The following RNF10 variants were observed in gnomAD, a reference collection of about 807,000 sequenced individuals.
RNF10 encodes ring finger protein 10, also known as E3 ubiquitin-protein ligase RNF10.
A neutral mutation model predicts 91.4 loss-of-function variants in RNF10; 38 were observed. That is an observed-to-expected ratio of 0.42 (90% CI 0.32 to 0.54). The LOEUF is 0.54. RNF10 is among the 20% of genes least tolerant of loss of function. The pLI, the probability that RNF10 is intolerant of heterozygous loss-of-function variation, is 0.16. For missense variants in RNF10, 945 were observed against 1,012.0 expected (o/e 0.93, Z 0.90); for synonymous variants, 364 against 366.3 (o/e 0.99, Z 0.07).
chr12:120,539,542 C>G (rs903447380), intron 1 of RNF10: 1 of 612,964 alleles, frequency 1.6e-6, no homozygotes, highest in Non-Finnish European at 2.7e-6. Context: ...ACCTCTAGGC[C>G]GAGCCACCTG....
intron 4 of RNF10, among the ~76,000 whole-genome samples, 161 bp from the exon 5 acceptor site, chr12:120,557,121 G>T (rs1213097722): frequency 6.6e-6 from 1 of 151,180 alleles, no homozygotes; most frequent in Non-Finnish European, 1.5e-5. Flanking sequence ...GATCATACAT[G>T]TACCTACGTT....
intron 11 of RNF10, 35 bp from the exon 12 acceptor site, chr12:120,565,393 T>C (rs779307410): frequency 6.3e-7 from 1 of 1,592,884 alleles, no homozygotes; most frequent in Non-Finnish European, 8.6e-7. Flanking sequence ...CATGTTGTCC[T>C]GGGTCTACCT....
At chr12:120,536,861 A>G (rs1415723257) in intron 1 of RNF10, among the ~76,000 whole-genome samples, 1 of 152,210 alleles carries the variant, frequency 6.6e-6, no homozygotes, top group African/African-American at 2.4e-5. Flanking sequence ...AAATGCCTTA[A>G]GTTTATTTCT....
At chr12:120,567,687 C>T (rs1312324372) in intron 13 of RNF10, among the ~76,000 whole-genome samples, 6 of 132,904 alleles carry the variant, frequency 4.5e-5, no homozygotes, top group East Asian at 4.4e-4. Flanking sequence ...GGCGACAGAG[C>T]GAGACTTTGT....
chr12:120,535,266 C>A (rs1870581412), intron 1 of RNF10, among the ~76,000 whole-genome samples: 1 of 152,152 alleles, frequency 6.6e-6, no homozygotes, highest in Admixed American at 6.5e-5. Flanking sequence ...TCACAGCAGG[C>A]CTTAAGACTT....
At chr12:120,540,491 T>C (rs151251189) in intron 1 of RNF10, among the ~76,000 whole-genome samples, 101 of 152,306 alleles carry the variant, frequency 6.6e-4, no homozygotes, top group Non-Finnish European at 7.2e-4. Context: ...TTCCCATGTA[T>C]ATCCTGGCAA....
chr12:120,575,455 T>G, intron 14 of RNF10, 176 bp from the exon 15 acceptor site: 2 of 668,824 alleles, frequency 3.0e-6, no homozygotes, highest in South Asian at 3.8e-5. Flanking sequence ...GCCATTTCCA[T>G]TAGCCAGGAT....
At chr12:120,553,507 C>A (rs532262102) in intron 3 of RNF10, among the ~76,000 whole-genome samples, 1 of 149,710 alleles carries the variant, frequency 6.7e-6, no homozygotes, top group Non-Finnish European at 1.5e-5. Flanking sequence ...GAGCTTCATG[C>A]CATTCTCCTG....
intron 2 of RNF10, among the ~76,000 whole-genome samples, chr12:120,550,440 C>T (rs1002949273): frequency 6.6e-6 from 1 of 152,004 alleles, no homozygotes; most frequent in Non-Finnish European, 1.5e-5. Flanking sequence ...AGCACAAGCT[C>T]TTAGATCTAA....
At position 120,576,710 on chromosome 12, in the gene RNF10, G is replaced by GT. The variant is rs368403066; in HGVS notation, c.*53dup. 1.1e-3 allele frequency: 1,699 copies of GT among 1,548,090 alleles called. No individual in the cohort carries two copies. Among genetic ancestry groups the GT allele is most frequent in the East Asian group, 1.9e-3 (81 of 42,424 alleles). ...CCTTCTCCATCTGGTTTTTGTTTTT[G>GT]TTTTTTTTTCCCCCATGCTTTTGTT... On this transcript the variant is annotated 3_prime_UTR_variant, in exon 17 of 17. Coordinates refer to ENST00000325954, the MANE Select transcript of RNF10 (RefSeq NM_014868.5).
intron 6 of RNF10, among the ~76,000 whole-genome samples, chr12:120,559,387 G>C (rs1453304745): frequency 6.6e-6 from 1 of 150,524 alleles, no homozygotes; most frequent in South Asian, 2.1e-4. Context: ...TGCTTTTTTT[G>C]TTTTTGTTTT....
chr12:120,565,073 A>C lies in RNF10; in HGVS notation c.1667A>C (p.Asp556Ala). ...GTATTGGTCCTTTTTCCAATGTAGG[A>C]TGTTCGACAGCGTCACAGATATCTC... ...VEIAGYSMSE[D>A]VRQRHRYLSH... The change falls in exon 11 of 17, where the codon GAT (aspartate) becomes GCT (alanine). Residue 556 changes from aspartate to alanine, a missense_variant and splice_region_variant. By Grantham distance (126) the Asp-to-Ala change is moderately radical. Coordinates refer to ENST00000325954, the MANE Select transcript of RNF10 (RefSeq NM_014868.5). 1.9e-6 allele frequency: 3 copies of C among 1,609,982 alleles called. No individual in the cohort carries two copies. The South Asian group carries it at 3.3e-5, about 18-fold the overall frequency.
In RNF10 at chr12:120,557,557, C is replaced by G. The variant is rs2137202944; in HGVS notation, c.842C>G (p.Thr281Arg). Residue 281 changes from threonine to arginine, a missense_variant, in exon 6 of 17, where the codon ACA becomes AGA. Transcript: ENST00000325954. ...HKKDLKSVVA[T>R]ESHQYVVGDT... ...TGTCCATGTTTCAGTGTTGTTGCCA[C>G]AGAGTCACATCAGTATGTTGTTGGT... 8 of 1,614,198 alleles carry G rather than the reference C, an allele frequency of 5.0e-6. No homozygotes were observed. Among genetic ancestry groups the G allele is most frequent in the Non-Finnish European group, 6.8e-6 (8 of 1,180,028 alleles).
At position 120,563,463 on chromosome 12, in the gene RNF10, A is replaced by AC. The variant is rs1486351578; in HGVS notation, c.1373dup (p.Glu459ArgfsTer3). ...TAGAAGAGGAGGAAGCAGTGTCTGA[A>AC]CCAGAGCCTGAGGGGTTGCCAGAGG... On this transcript the variant is annotated frameshift_variant, in exon 9 of 17. Coordinates refer to ENST00000325954, the MANE Select transcript of RNF10 (RefSeq NM_014868.5). LOFTEE classifies it high-confidence loss of function. 6.2e-7 allele frequency: 1 copy of AC among 1,614,160 alleles called. No individual in the cohort carries two copies. Among genetic ancestry groups the AC allele is most frequent in the Non-Finnish European group, 8.5e-7 (1 of 1,180,026 alleles).
In RNF10 at chr12:120,563,434, C is replaced by G. The variant is rs1237960043; in HGVS notation, c.1342C>G (p.Leu448Val). Reference protein sequence around the residue: ...DTPSRPLALPLVEEEEAVSEP... With the variant: ...DTPSRPLALPVVEEEEAVSEP... ...TCCTTCTAGACCTCTTGCTCTCCCT[C>G]TGGTAGAAGAGGAGGAAGCAGTGTC... is the stretch of plus-strand genomic sequence containing the variant. Residue 448 changes from leucine to valine, a missense_variant, in exon 9 of 17, where the codon CTG becomes GTG. Physicochemically the swap from Leu to Val is conservative, Grantham distance 32. Coordinates refer to ENST00000325954, the MANE Select transcript of RNF10 (RefSeq NM_014868.5). 3 of 1,614,020 alleles carry G rather than the reference C, an allele frequency of 1.9e-6. No homozygotes were observed. The highest frequency in any genetic ancestry group is 2.5e-6 in the Non-Finnish European group (3 of 1,180,024).
chr12:120,564,329 AAAAG>A (rs1341731417), intron 10 of RNF10, among the ~76,000 whole-genome samples: 1 of 152,222 alleles, frequency 6.6e-6, no homozygotes, highest in East Asian at 1.9e-4. Flanking sequence ...CATATGCAGA[AAAAG>A]AATAGAAATG....
chr12:120,573,857 C>T lies in RNF10; in HGVS notation c.2143-1774C>T, dbSNP rs972153526. Among the ~76,000 whole-genome samples the T allele has an allele frequency of 4.6e-5, 7 of 152,334 alleles. No individual in the cohort carries two copies. The East Asian group carries it at 1.2e-3, about 25-fold the overall frequency. On this transcript the variant is annotated intron_variant, in intron 14 of 16. Coordinates refer to ENST00000325954, the MANE Select transcript of RNF10 (RefSeq NM_014868.5). ...TGGACACACCAGCTACTTCAGATCCCTTCTGTGGTAAGGGCAGAGGCTGGA... is the reference window on the plus strand; with the variant it reads ...TGGACACACCAGCTACTTCAGATCCTTTCTGTGGTAAGGGCAGAGGCTGGA...
At chr12:120,552,404 A>G (rs1873240836) in intron 2 of RNF10, 95 bp from the exon 3 acceptor site, 1 of 1,066,560 alleles carries the variant, frequency 9.4e-7, no homozygotes, top group African/African-American at 1.6e-5. Flanking sequence ...CGTCTCAAAA[A>G]AAAAAGCTGT....
In RNF10 at chr12:120,576,734, T is replaced by C. The variant is rs992922761; in HGVS notation, c.*68T>C. ...TGTTTTTTTTTCCCCCATGCTTTTG[T>C]TTGGCTGCTGTAATTTTTAAGTATT... On this transcript the variant is annotated 3_prime_UTR_variant, in exon 17 of 17. Transcript: ENST00000325954. 3 of 1,584,958 alleles carry C rather than the reference T, an allele frequency of 1.9e-6. No homozygotes were observed. Among genetic ancestry groups the C allele is most frequent in the African/African-American group, 1.4e-5 (1 of 72,794 alleles).
Sources: allele counts gnomAD v4.1 joint callset (sites outside exome capture counted in the v4.1 genomes callset), GRCh38; gene constraint gnomAD v4.1.1; transcripts MANE v1.5; gene names NCBI Gene and HGNC (gene_info 2026-07-23, HGNC 2026-07-21).